Variants in SPIRE1 observed in about 807,000 individuals in gnomAD.
SPIRE1 encodes spire type actin nucleation factor 1, also known as protein spire homolog 1.
In SPIRE1, 40 loss-of-function variants were observed where a neutral mutation model predicts 94.1. That is an observed-to-expected ratio of 0.43 (90% CI 0.33 to 0.55). SPIRE1 has a LOEUF of 0.55. Among genes scored for constraint, SPIRE1 ranks in the 20% least tolerant of loss-of-function variants. SPIRE1 has a pLI of 0.06. For missense variants in SPIRE1, 838 were observed against 975.2 expected (o/e 0.86, Z 1.87); for synonymous variants, 376 against 371.7 (o/e 1.01, Z -0.13).
rs2031121758 is a variant in SPIRE1, at chr18:12,449,639, C to T, written c.2270G>A (p.Ter757=). The change falls in exon 17 of 17, where the codon TGA becomes TAA. Residue 757 remains the stop codon, a stop_retained_variant. Coordinates refer to ENST00000409402, the MANE Select transcript of SPIRE1 (RefSeq NM_001128626.2). ...AAAAGCAGCTGAAAGGCACGAGGCT[C>T]AGATCTCACTGATCGTCCTCTCTGA... The part of the protein sequence containing the change: ...CPSERTISEI[*] The T allele has an allele frequency of 1.2e-6, 2 of 1,613,614 alleles. No individual in the cohort carries two copies. Among genetic ancestry groups the T allele is most frequent in the Admixed American group, 1.7e-5 (1 of 59,972 alleles).
upstream of SPIRE1, chr18:12,658,630 A>G (rs2038630741): frequency 2.1e-6 from 1 of 469,704 alleles, no homozygotes; most frequent in African/African-American, 2.0e-5. Context: ...GCGGATGCCT[A>G]AGAAAATGCA....
At chr18:12,514,468 T>C (rs570136818) in intron 4 of SPIRE1, among the ~76,000 whole-genome samples, 1 of 152,058 alleles carries the variant, frequency 6.6e-6, no homozygotes, top group East Asian at 1.9e-4. Context: ...TTTTTTTTTG[T>C]ATTTTGTTCA....
Position 12,463,483 on chromosome 18 carries a change from T to C in SPIRE1, c.1506A>G (p.Lys502=), listed in dbSNP as rs760301518. 1 of 1,612,628 alleles carries C rather than the reference T, an allele frequency of 6.2e-7. No homozygotes were observed. Among genetic ancestry groups the C allele is most frequent in the African/African-American group, 1.3e-5 (1 of 74,976 alleles). The change falls in exon 12 of 17, where the codon AAA becomes AAG. Residue 502 remains lysine (K), a synonymous_variant. Coordinates refer to ENST00000409402, the MANE Select transcript of SPIRE1 (RefSeq NM_001128626.2). ...EAVSTRKKPP[K]FLPISSTPQP... The stretch of plus-strand genomic sequence containing the variant: ...GGGGTGTTGATGATATGGGCAGGAA[T>C]TTTGGAGGCTCTAAAGATTGAACCA...
At chr18:12,528,260 G>A (rs1342775367) in intron 4 of SPIRE1, among the ~76,000 whole-genome samples, 1 of 152,256 alleles carries the variant, frequency 6.6e-6, no homozygotes, top group East Asian at 1.9e-4. Flanking sequence ...CATGGTCCTT[G>A]CCCTTAAGAA....
At chr18:12,509,829 T>C (rs1598423985) in intron 5 of SPIRE1, among the ~76,000 whole-genome samples, 1 of 152,088 alleles carries the variant, frequency 6.6e-6, no homozygotes, top group Non-Finnish European at 1.5e-5. Context: ...ATACCTGTAA[T>C]CCCAGCACTT....
chr18:12,489,280 C>T (rs2033148463), intron 8 of SPIRE1, among the ~76,000 whole-genome samples: 1 of 152,162 alleles, frequency 6.6e-6, no homozygotes, highest in African/African-American at 2.4e-5. Context: ...ATTCAAAAAA[C>T]CGTACTTCTA....
intron 5 of SPIRE1, among the ~76,000 whole-genome samples, chr18:12,509,067 T>C (rs1598423371): frequency 6.6e-6 from 1 of 152,370 alleles, no homozygotes; most frequent in East Asian, 1.9e-4. Context: ...ACAGTTATTA[T>C]ATAAAATAAC....
At chr18:12,485,656 T>C (rs1292632358) in intron 9 of SPIRE1, among the ~76,000 whole-genome samples, 1 of 152,216 alleles carries the variant, frequency 6.6e-6, no homozygotes, top group Non-Finnish European at 1.5e-5. Flanking sequence ...TTTAACCTCA[T>C]TGCTCTAGAA....
rs532578633 is a variant in SPIRE1, at chr18:12,621,296, T to C, written c.372+13766A>G. 3.9e-5 allele frequency among the ~76,000 whole-genome samples: 6 copies of C among 152,328 alleles called. No individual in the cohort carries two copies. The South Asian group carries it at 8.3e-4, about 21-fold the overall frequency. The stretch of plus-strand genomic sequence containing the variant: ...TGAGATGTCAAAAGATAGAGTTACT[T>C]TGAGAAACAGTTTGGAAGCTCTCAA... On this transcript the variant is annotated intron_variant, in intron 2 of 16. Coordinates refer to ENST00000409402, the MANE Select transcript of SPIRE1 (RefSeq NM_001128626.2).
At chr18:12,658,287 C>A (rs1181440508), upstream of SPIRE1, 6 of 445,870 alleles carry the variant, frequency 1.3e-5, no homozygotes, top group Non-Finnish European at 2.2e-5. Flanking sequence ...GAGTCGCAGG[C>A]GGTGACGCCC....
At chr18:12,639,160 C>T (rs1255869075) in intron 1 of SPIRE1, among the ~76,000 whole-genome samples, 4 of 151,292 alleles carry the variant, frequency 2.6e-5, no homozygotes, top group African/African-American at 7.3e-5. Flanking sequence ...CTCGCTCTGT[C>T]GCCCAGGCTG....
intron 2 of SPIRE1, 25 bp downstream of exon 2, chr18:12,635,037 A>T (rs937622887): frequency 2.2e-6 from 3 of 1,382,576 alleles, no homozygotes; most frequent in Admixed American, 2.0e-5. Flanking sequence ...TGCTTTACTA[A>T]GAAATATTTG....
At chr18:12,503,094 G>A (rs1317716537) in intron 6 of SPIRE1, among the ~76,000 whole-genome samples, 1 of 147,604 alleles carries the variant, frequency 6.8e-6, no homozygotes, top group Non-Finnish European at 1.5e-5. Flanking sequence ...GGGCAACAGA[G>A]TGAGACTCTG....
At chr18:12,639,240 G>C (rs548011867) in intron 1 of SPIRE1, among the ~76,000 whole-genome samples, 1 of 151,814 alleles carries the variant, frequency 6.6e-6, no homozygotes, top group South Asian at 2.1e-4. Context: ...ACTCCACCCT[G>C]GGCGAGACAG....
At chr18:12,603,466 T>G (rs117554193) in intron 2 of SPIRE1, among the ~76,000 whole-genome samples, 11,181 of 152,180 alleles carry the variant, frequency 0.073, 575 homozygotes, top group Non-Finnish European at 0.11. Flanking sequence ...AGCTTCAGGA[T>G]GGGGCTGGTC....
chr18:12,660,297 C>G (rs924536140), upstream of SPIRE1, among the ~76,000 whole-genome samples: 13 of 150,414 alleles, frequency 8.6e-5, no homozygotes, highest in African/African-American at 2.5e-4. Context: ...TTAGTCATCC[C>G]TCTAATCAAT....
At chr18:12,593,756 C>T (rs975149955) in intron 2 of SPIRE1, among the ~76,000 whole-genome samples, 1 of 151,998 alleles carries the variant, frequency 6.6e-6, no homozygotes, top group Non-Finnish European at 1.5e-5. Flanking sequence ...TCAAGACCAG[C>T]CTGATCAAAA....
At chr18:12,478,065 G>A (rs1483946452) in intron 10 of SPIRE1, among the ~76,000 whole-genome samples, 1 of 151,970 alleles carries the variant, frequency 6.6e-6, no homozygotes, top group Non-Finnish European at 1.5e-5. Flanking sequence ...TTAGTAATAT[G>A]AATATTTCTT....
intron 4 of SPIRE1, among the ~76,000 whole-genome samples, chr18:12,529,307 T>C (rs2034614982): frequency 6.6e-6 from 1 of 151,166 alleles, no homozygotes. Context: ...AGGTGGAACT[T>C]GCAGTGAGCT....
Sources: allele counts gnomAD v4.1 joint callset (sites outside exome capture counted in the v4.1 genomes callset), GRCh38; gene constraint gnomAD v4.1.1; transcripts MANE v1.5; gene names NCBI Gene and HGNC (gene_info 2026-07-23, HGNC 2026-07-21).